Variants in SNRNP48 observed in about 807,000 individuals in gnomAD.
SNRNP48 encodes the protein small nuclear ribonucleoprotein U11/U12 subunit 48.
In SNRNP48, 43 loss-of-function variants were observed where a neutral mutation model predicts 47.0. That is an observed-to-expected ratio of 0.92 (90% CI 0.72 to 1.18). The LOEUF (loss-of-function observed/expected upper bound fraction) is 1.18, where lower values mean the gene tolerates loss of function less well. Among genes scored for constraint, SNRNP48 ranks in the 50% most tolerant of loss-of-function variants. The pLI is 0.00. For synonymous variants in SNRNP48, 138 were observed against 144.0 expected (o/e 0.96, Z 0.30); for missense variants, 396 against 422.2 (o/e 0.94, Z 0.54).
intron 4 of SNRNP48, among the ~76,000 whole-genome samples, chr6:7,596,121 C>T (rs1417720411): frequency 6.6e-6 from 1 of 151,960 alleles, no homozygotes; most frequent in Non-Finnish European, 1.5e-5. Flanking sequence ...AAAAATTAGC[C>T]GGGCATGGTG....
At chr6:7,608,329 G>T (rs1267052093) in intron 8 of SNRNP48, among the ~76,000 whole-genome samples, 2 of 152,168 alleles carry the variant, frequency 1.3e-5, no homozygotes, top group South Asian at 2.1e-4. Flanking sequence ...GGCCAAGGCG[G>T]GTGGATCACC....
intron 8 of SNRNP48, among the ~76,000 whole-genome samples, chr6:7,608,449 G>T (rs1466081617): frequency 6.6e-6 from 1 of 151,982 alleles, no homozygotes; most frequent in Non-Finnish European, 1.5e-5. Context: ...CCAGCTGCTT[G>T]GGAGGCTGAG....
intron 1 of SNRNP48, among the ~76,000 whole-genome samples, chr6:7,591,277 T>C (rs527836255): frequency 6.6e-6 from 1 of 152,294 alleles, no homozygotes; most frequent in Non-Finnish European, 1.5e-5. Flanking sequence ...CTGTGGACAT[T>C]AGAATTGCTT....
chr6:7,597,212 C>T (rs574559450), intron 4 of SNRNP48, among the ~76,000 whole-genome samples: 41 of 152,262 alleles, frequency 2.7e-4, no homozygotes, highest in African/African-American at 9.4e-4. Context: ...GGATCCAGAA[C>T]TAAGTTCTGA....
chr6:7,603,327 A>G (rs1040737506), intron 6 of SNRNP48, among the ~76,000 whole-genome samples: 6 of 152,198 alleles, frequency 3.9e-5, no homozygotes, highest in Non-Finnish European at 1.5e-5. Context: ...ACTTATTTTC[A>G]GATGCCATTT....
intron 1 of SNRNP48, among the ~76,000 whole-genome samples, chr6:7,590,693 G>A (rs1461932929): frequency 6.6e-6 from 1 of 152,242 alleles, no homozygotes; most frequent in African/African-American, 2.4e-5. Flanking sequence ...AAAGAAAACC[G>A]GGGGCCGGGC....
chr6:7,609,991 A>G lies in SNRNP48; in HGVS notation c.*1118A>G, dbSNP rs900948209. 6.6e-6 allele frequency: 1 copy of G among 152,170 alleles called. No individual in the cohort carries two copies. Among genetic ancestry groups the G allele is most frequent in the African/African-American group, 2.4e-5 (1 of 41,432 alleles). 9.4% of individuals were successfully genotyped at this position (152,170 alleles called of 1,614,324 possible). ...ATTAGATCTATCCATTGTAGAATTC[A>G]TGTAAATAGAATACTGTAGTATGTA... On this transcript the variant is annotated 3_prime_UTR_variant, in exon 9 of 9. Transcript: ENST00000342415.
intron 4 of SNRNP48, among the ~76,000 whole-genome samples, chr6:7,597,630 G>C (rs1442451901): frequency 6.6e-6 from 1 of 152,122 alleles, no homozygotes; most frequent in Non-Finnish European, 1.5e-5. Flanking sequence ...GTAATATTAA[G>C]ATAATGAAAT....
intron 8 of SNRNP48, among the ~76,000 whole-genome samples, chr6:7,606,507 A>C (rs375180644): frequency 6.6e-6 from 1 of 152,208 alleles, no homozygotes; most frequent in Non-Finnish European, 1.5e-5. Context: ...CGGTTTTCCC[A>C]GATCCCTTTC....
In SNRNP48 at chr6:7,610,003, T is replaced by C. The variant is rs1760203991; in HGVS notation, c.*1130T>C. 6.6e-6 allele frequency: 1 copy of C among 152,226 alleles called. No homozygotes were observed. The highest frequency in any genetic ancestry group is 2.4e-5 in the African/African-American group (1 of 41,456). The allele number at this position is 152,226 out of a possible 1,614,324, so 9.4% of individuals were successfully genotyped here. A position where few individuals can be genotyped will look rare whatever the true frequency, so the allele number is the denominator to read the frequency against. ...CATTGTAGAATTCATGTAAATAGAA[T>C]ACTGTAGTATGTACTTTGCCTTCTT... On this transcript the variant is annotated 3_prime_UTR_variant, in exon 9 of 9. Transcript: ENST00000342415.
intron 3 of SNRNP48, 120 bp downstream of exon 3, chr6:7,594,279 A>C: frequency 2.1e-6 from 1 of 465,846 alleles, no homozygotes; most frequent in Non-Finnish European, 3.8e-6. Context: ...TTAGTACCTT[A>C]AGAGAATGTA....
At chr6:7,598,087 TC>T (rs1164903058) in intron 4 of SNRNP48, among the ~76,000 whole-genome samples, 2 of 151,702 alleles carry the variant, frequency 1.3e-5, no homozygotes. Flanking sequence ...CACGATGGTC[TC>T]GATCTCCTGA....
intron 6 of SNRNP48, among the ~76,000 whole-genome samples, chr6:7,603,919 G>A (rs529285371): frequency 6.6e-6 from 1 of 152,252 alleles, no homozygotes; most frequent in African/African-American, 2.4e-5. Context: ...CGGTTTTATA[G>A]TTGATATTTT....
chr6:7,608,586 T>G (rs76283907), intron 8 of SNRNP48, among the ~76,000 whole-genome samples: 16,807 of 152,068 alleles, frequency 0.11, 1,229 homozygotes, highest in South Asian at 0.23. Context: ...ATAAAAAAAC[T>G]AAGAGACGAA....
At chr6:7,600,202 C>T (rs1237134277) in intron 4 of SNRNP48, 1 of 986,472 alleles carries the variant, frequency 1.0e-6, no homozygotes, top group African/African-American at 1.7e-5. Context: ...CCGTGTTAAA[C>T]CATGGCCTCA....
At chr6:7,595,523 G>T (rs912089635) in intron 4 of SNRNP48, among the ~76,000 whole-genome samples, 1 of 152,132 alleles carries the variant, frequency 6.6e-6, no homozygotes, top group Non-Finnish European at 1.5e-5. Flanking sequence ...TTTATCAGAC[G>T]CTGGGCTGCA....
At position 7,602,604 on chromosome 6, in the gene SNRNP48, T is replaced by A; in HGVS notation, c.596-19T>A. On this transcript the variant is annotated intron_variant, in intron 5 of 8. Coordinates refer to ENST00000342415, the MANE Select transcript of SNRNP48 (RefSeq NM_152551.4). The stretch of plus-strand genomic sequence containing the variant: ...AAAGCTTTGAAGGATATAATACTTT[T>A]ATTTTATTCTTTCATTAGACAATAG... 6.5e-7 allele frequency: 1 copy of A among 1,548,736 alleles called. No individual in the cohort carries two copies. Among genetic ancestry groups the A allele is most frequent in the Non-Finnish European group, 8.7e-7 (1 of 1,147,846 alleles).
In SNRNP48 at chr6:7,590,316, A is replaced by G; in HGVS notation, c.59A>G (p.Glu20Gly). 7.1e-7 allele frequency: 1 copy of G among 1,407,980 alleles called. No homozygotes were observed. Among genetic ancestry groups the G allele is most frequent in the African/African-American group, 1.5e-5 (1 of 68,746 alleles). 87.2% of individuals were successfully genotyped at this position (1,407,980 alleles called of 1,614,324 possible). Residue 20 changes from glutamate to glycine, a missense_variant, in exon 1 of 9, where the codon GAG becomes GGG. Physicochemically the swap from Glu to Gly is moderately conservative, Grantham distance 98. Coordinates refer to ENST00000342415, the MANE Select transcript of SNRNP48 (RefSeq NM_152551.4). ...CGGCGGCTGCAGGAGGAGCTGAACG[A>G]GTTCGTGGAGAGCGGCTGCCGGACG... The part of the protein sequence containing the change: ...ERRRLQEELN[E>G]FVESGCRTLE...
intron 1 of SNRNP48, among the ~76,000 whole-genome samples, chr6:7,593,429 G>A (rs1390593592): frequency 6.6e-6 from 1 of 152,174 alleles, no homozygotes; most frequent in Non-Finnish European, 1.5e-5. Flanking sequence ...TTTCAGTGGG[G>A]TGATGGTGGC....
Sources: allele counts gnomAD v4.1 joint callset (sites outside exome capture counted in the v4.1 genomes callset), GRCh38; gene constraint gnomAD v4.1.1; transcripts MANE v1.5; gene names NCBI Gene and HGNC (gene_info 2026-07-23, HGNC 2026-07-21).